The following ST6GALNAC3 variants were observed in gnomAD, a reference collection of about 807,000 sequenced individuals.
ST6GALNAC3 encodes alpha-N-acetylgalactosaminide alpha-2,6-sialyltransferase 3.
ST6GALNAC3 carries 25 observed loss-of-function variants against 32.7 expected under a neutral mutation model. That is an observed-to-expected ratio of 0.76 (90% CI 0.56 to 1.07). The LOEUF (loss-of-function observed/expected upper bound fraction) is 1.07, where lower values mean the gene tolerates loss of function less well. Ranked by LOEUF, ST6GALNAC3 falls within the 50% of genes least tolerant of loss-of-function variation. The pLI is 0.00. For missense variants in ST6GALNAC3, 355 were observed against 382.4 expected, an observed-to-expected ratio of 0.93 and a Z score of 0.60; for synonymous variants, 129 against 133.1, an observed-to-expected ratio of 0.97 and a Z score of 0.21.
At chr1:76,610,698 G>A (rs963155500) in intron 3 of ST6GALNAC3, among the ~76,000 whole-genome samples, 2 of 152,170 alleles carry the variant, frequency 1.3e-5, no homozygotes, top group Non-Finnish European at 2.9e-5. Flanking sequence ...TGGCGACAGG[G>A]AGTGCTAGGT....
intron 1 of ST6GALNAC3, among the ~76,000 whole-genome samples, chr1:76,077,614 A>G (rs557642529): frequency 1.1e-4 from 17 of 152,328 alleles, no homozygotes; most frequent in Admixed American, 8.5e-4. Flanking sequence ...TGGGAAATGT[A>G]TGGGGAAAAC....
Position 76,263,585 on chromosome 1 carries a change from T to C in ST6GALNAC3, c.19-50220T>C, listed in dbSNP as rs183598928. Among the ~76,000 whole-genome samples, 821 of 152,286 alleles carry C rather than the reference T, an allele frequency of 5.4e-3. 12 individuals are homozygous for C. The highest frequency in any genetic ancestry group is 0.019 in the African/African-American group (781 of 41,560). On this transcript the variant is annotated intron_variant, in intron 1 of 4. Coordinates refer to ENST00000328299, the MANE Select transcript of ST6GALNAC3 (RefSeq NM_152996.4). ...ATTGAGATGTGTAATATTGAAGACCTGGGAAAGTGACAAAATATTTATATC... is the reference window on the plus strand; with the variant it reads ...ATTGAGATGTGTAATATTGAAGACCCGGGAAAGTGACAAAATATTTATATC...
At chr1:76,276,191 CTA>C (rs59142016) in intron 1 of ST6GALNAC3, among the ~76,000 whole-genome samples, 24 of 149,614 alleles carry the variant, frequency 1.6e-4, no homozygotes, top group Admixed American at 1.3e-4. Flanking sequence ...TATATATGTA[CTA>C]TATATATATA....
At chr1:76,413,842 G>A (rs1023670620) in intron 3 of ST6GALNAC3, among the ~76,000 whole-genome samples, 1 of 152,088 alleles carries the variant, frequency 6.6e-6, no homozygotes, top group Non-Finnish European at 1.5e-5. Context: ...TAAATATGAA[G>A]CCTATTCACA....
At chr1:76,440,431 T>C (rs1656492623) in intron 3 of ST6GALNAC3, among the ~76,000 whole-genome samples, 1 of 152,236 alleles carries the variant, frequency 6.6e-6, no homozygotes, top group African/African-American at 2.4e-5. Flanking sequence ...TTGGAGATGA[T>C]GGGGCCAGAA....
intron 3 of ST6GALNAC3, among the ~76,000 whole-genome samples, chr1:76,451,574 G>A (rs1358905866): frequency 6.6e-6 from 1 of 152,124 alleles, no homozygotes; most frequent in African/African-American, 2.4e-5. Context: ...CCATTTGTTT[G>A]TGTCACCTAT....
At chr1:76,080,881 A>G (rs1016350387) in intron 1 of ST6GALNAC3, among the ~76,000 whole-genome samples, 1 of 152,182 alleles carries the variant, frequency 6.6e-6, no homozygotes, top group Non-Finnish European at 1.5e-5. Context: ...CTGAATTCTC[A>G]GCAGCTGCCT....
chr1:76,277,567 TACACAC>T (rs1553172548), intron 1 of ST6GALNAC3, among the ~76,000 whole-genome samples: 1 of 51,274 alleles, frequency 2.0e-5, no homozygotes, highest in African/African-American at 9.2e-5. Flanking sequence ...TATATATATA[TACACAC>T]ACACATATGT....
intron 1 of ST6GALNAC3, among the ~76,000 whole-genome samples, chr1:76,186,684 A>G (rs774899188): frequency 6.6e-5 from 10 of 151,854 alleles, no homozygotes; most frequent in African/African-American, 2.4e-4. Flanking sequence ...GGTGGTGCCT[A>G]TTTATATTCA....
At chr1:76,245,361 A>T (rs1657197567) in intron 1 of ST6GALNAC3, among the ~76,000 whole-genome samples, 1 of 151,418 alleles carries the variant, frequency 6.6e-6, no homozygotes, top group Non-Finnish European at 1.5e-5. Context: ...TATTTTTGTT[A>T]ATCTTTTCAT....
intron 3 of ST6GALNAC3, among the ~76,000 whole-genome samples, chr1:76,540,845 C>A (rs1663945312): frequency 6.6e-6 from 1 of 152,130 alleles, no homozygotes; most frequent in Non-Finnish European, 1.5e-5. Flanking sequence ...GGCACTTGAA[C>A]ATTTATGGAG....
chr1:76,129,849 G>A (rs1649495103), intron 1 of ST6GALNAC3, among the ~76,000 whole-genome samples: 1 of 152,178 alleles, frequency 6.6e-6, no homozygotes, highest in Admixed American at 6.5e-5. Flanking sequence ...GGGTGTTAAA[G>A]ATCCAGTGTG....
rs539448136 is a variant in ST6GALNAC3 at position 76,500,139 on chromosome 1, A to T, written c.623+87722A>T. ...ATTTAATTTATTAATCTAGTTACAC[A>T]TTCACATTTAAGATTGCATATCATA... On this transcript the variant is annotated intron_variant, in intron 3 of 4. Transcript: ENST00000328299. 9.8e-5 allele frequency among the ~76,000 whole-genome samples: 15 copies of T among 152,332 alleles called. No individual in the cohort carries two copies. In the South Asian group the frequency reaches 2.7e-3, roughly 27 times the overall value.
At chr1:76,575,839 T>G (rs937991788) in intron 3 of ST6GALNAC3, among the ~76,000 whole-genome samples, 4 of 152,022 alleles carry the variant, frequency 2.6e-5, no homozygotes, top group Non-Finnish European at 5.9e-5. Context: ...TTCTTTTTTT[T>G]TAAATAAGAG....
intron 2 of ST6GALNAC3, among the ~76,000 whole-genome samples, chr1:76,373,156 G>A (rs895684346): frequency 1.3e-5 from 2 of 152,066 alleles, no homozygotes; most frequent in African/African-American, 4.8e-5. Context: ...TTGTACCACT[G>A]TCATGGCTCT....
At chr1:76,091,782 C>T (rs971000476) in intron 1 of ST6GALNAC3, among the ~76,000 whole-genome samples, 6 of 152,120 alleles carry the variant, frequency 3.9e-5, no homozygotes, top group African/African-American at 1.4e-4. Context: ...ACCATGTAGC[C>T]TAGGTATGTA....
chr1:76,167,480 G>T (rs1306518738), intron 1 of ST6GALNAC3, among the ~76,000 whole-genome samples: 1 of 152,160 alleles, frequency 6.6e-6, no homozygotes, highest in East Asian at 1.9e-4. Flanking sequence ...GCCAGGTTTT[G>T]GTATCAGCAT....
chr1:76,467,606 A>G (rs1658724249), intron 3 of ST6GALNAC3, among the ~76,000 whole-genome samples: 2 of 152,066 alleles, frequency 1.3e-5, no homozygotes, highest in South Asian at 4.2e-4. Context: ...AAAGGGAGAT[A>G]AAAATTATGT....
At chr1:76,257,497 T>A (rs1657986171) in intron 1 of ST6GALNAC3, among the ~76,000 whole-genome samples, 2 of 152,144 alleles carry the variant, frequency 1.3e-5, no homozygotes, top group African/African-American at 4.8e-5. Context: ...CAATTCTGAA[T>A]CATGGTCGGG....
Sources: gnomAD v4.1 joint callset for allele counts (sites outside exome capture counted in the v4.1 genomes callset) on GRCh38, gnomAD v4.1.1 for gene constraint, MANE v1.5 for transcripts, NCBI Gene and HGNC (gene_info 2026-07-23, HGNC 2026-07-21) for gene names.